CAMTA1: variants seen among roughly 807,000 people sequenced by gnomAD.
The protein encoded by CAMTA1 is calmodulin binding transcription activator 1.
In CAMTA1, 27 loss-of-function variants were observed where a neutral mutation model predicts 170.9. The observed-to-expected ratio is 0.16, with a 90% CI of 0.12 to 0.22. The LOEUF (loss-of-function observed/expected upper bound fraction) is 0.22, where lower values mean the gene tolerates loss of function less well. CAMTA1 is among the 10% of genes least tolerant of loss of function. CAMTA1 has a pLI of 1.00. For synonymous variants in CAMTA1, 833 were observed against 891.5 expected, an observed-to-expected ratio of 0.93 and a Z score of 1.17; for missense variants, 1,619 against 2,217.2, an observed-to-expected ratio of 0.73 and a Z score of 5.42.
At chr1:7,301,892 G>C (rs1267985330) in intron 5 of CAMTA1, among the ~76,000 whole-genome samples, 1 of 152,136 alleles carries the variant, frequency 6.6e-6, no homozygotes, top group African/African-American at 2.4e-5. Context: ...ACGGGCTGCA[G>C]GCTTTCTCGG....
At chr1:7,037,760 C>G (rs1487338940) in intron 3 of CAMTA1, among the ~76,000 whole-genome samples, 4 of 151,766 alleles carry the variant, frequency 2.6e-5, no homozygotes, top group Non-Finnish European at 4.4e-5. Context: ...ATGGCATGAA[C>G]CCGGGAGGCG....
At chr1:6,840,634 G>T (rs969595774) in intron 3 of CAMTA1, among the ~76,000 whole-genome samples, 4 of 152,146 alleles carry the variant, frequency 2.6e-5, no homozygotes, top group African/African-American at 9.7e-5. Context: ...CATAAGTCTG[G>T]GGAGAGGTCC....
chr1:7,717,579 C>G (rs1459637056), intron 11 of CAMTA1, among the ~76,000 whole-genome samples: 1 of 152,020 alleles, frequency 6.6e-6, no homozygotes, highest in East Asian at 1.9e-4. Context: ...AACCCTACCT[C>G]TACCAAAAAT....
intron 11 of CAMTA1, among the ~76,000 whole-genome samples, chr1:7,679,697 T>G (rs1325262151): frequency 6.6e-6 from 1 of 152,140 alleles, no homozygotes; most frequent in Non-Finnish European, 1.5e-5. Context: ...CATCAAGGCC[T>G]GGGCGTCCAG....
At chr1:7,108,314 ATAT>A (rs754566470) in intron 4 of CAMTA1, among the ~76,000 whole-genome samples, 5 of 152,186 alleles carry the variant, frequency 3.3e-5, no homozygotes, top group Non-Finnish European at 5.9e-5. Flanking sequence ...ATGATAGTAC[ATAT>A]TGTTGTGAGG....
chr1:6,852,353 A>G (rs764426196), intron 3 of CAMTA1, among the ~76,000 whole-genome samples: 29 of 151,986 alleles, frequency 1.9e-4, no homozygotes, highest in Non-Finnish European at 3.4e-4. Context: ...TTCTCTGTGG[A>G]CTCCGGGTAT....
At chr1:7,128,904 G>A (rs1406804287) in intron 4 of CAMTA1, among the ~76,000 whole-genome samples, 1 of 137,522 alleles carries the variant, frequency 7.3e-6, no homozygotes, top group African/African-American at 2.8e-5. Context: ...GCAGTGGTTC[G>A]ATCTCAGCTC....
intron 5 of CAMTA1, among the ~76,000 whole-genome samples, chr1:7,423,555 A>G (rs2091708735): frequency 6.6e-6 from 1 of 151,544 alleles, no homozygotes; most frequent in African/African-American, 2.4e-5. Context: ...GGGTGTCATT[A>G]CCTCATTCTC....
chr1:6,814,327 T>G lies in CAMTA1; in HGVS notation c.46-5854T>G, dbSNP rs972757283. On this transcript the variant is annotated intron_variant, in intron 1 of 22. Transcript: ENST00000303635. ...CATCTCCTTCTCTTCCTCCTCTTCC[T>G]GGGCATTTTCCAGTCCCCCTTGGAA... Among the ~76,000 whole-genome samples, 13 of 152,332 alleles carry G rather than the reference T, an allele frequency of 8.5e-5. No homozygotes were observed. In the East Asian group the frequency reaches 2.5e-3, roughly 29 times the overall value.
chr1:7,012,472 C>G (rs1699940178), intron 3 of CAMTA1, among the ~76,000 whole-genome samples: 1 of 152,136 alleles, frequency 6.6e-6, no homozygotes, highest in South Asian at 2.1e-4. Flanking sequence ...TACAAACATG[C>G]CACGATTTCT....
At chr1:7,190,436 TATAC>T (rs1654300929) in intron 4 of CAMTA1, among the ~76,000 whole-genome samples, 1 of 152,198 alleles carries the variant, frequency 6.6e-6, no homozygotes, top group African/African-American at 2.4e-5. Context: ...AAATGATTCT[TATAC>T]GTGTGTAGAA....
intron 4 of CAMTA1, among the ~76,000 whole-genome samples, chr1:7,198,601 C>G (rs566362402): frequency 6.6e-6 from 1 of 152,114 alleles, no homozygotes. Context: ...ATCACTCATA[C>G]CCCCTTGGCC....
intron 7 of CAMTA1, among the ~76,000 whole-genome samples, chr1:7,652,895 TG>T (rs2095856993): frequency 6.6e-6 from 1 of 152,182 alleles, no homozygotes; most frequent in South Asian, 2.1e-4. Context: ...CCTACGCACC[TG>T]CTGTGTGACC....
At chr1:7,737,675 T>G (rs1230723495) in intron 15 of CAMTA1, 105 bp downstream of exon 15, 1 of 1,128,936 alleles carries the variant, frequency 8.9e-7, no homozygotes, top group Non-Finnish European at 1.2e-6. Flanking sequence ...ACATTTCAGT[T>G]TTTTTGTTAA....
chr1:7,146,069 C>A lies in CAMTA1; in HGVS notation c.302+54698C>A, dbSNP rs1180630729. Among the ~76,000 whole-genome samples the A allele has an allele frequency of 6.6e-6, 1 of 152,170 alleles. No homozygotes were observed. The highest frequency in any genetic ancestry group is 6.5e-5 in the Admixed American group (1 of 15,276). Reference sequence around the variant, plus strand: ...CTTACTACGTGCGTGGCACTATGCCCAGTGCTTTAATTGGATCTTTTTTTT... The same window carrying A: ...CTTACTACGTGCGTGGCACTATGCCAAGTGCTTTAATTGGATCTTTTTTTT... On this transcript the variant is annotated intron_variant, in intron 4 of 22. Coordinates refer to ENST00000303635, the MANE Select transcript of CAMTA1 (RefSeq NM_015215.4). This position sits in a 1 kb window ranked among gnomAD's most constrained non-coding sequence, Gnocchi z 4.3.
At chr1:7,603,859 C>T (rs938416827) in intron 6 of CAMTA1, among the ~76,000 whole-genome samples, 1 of 152,168 alleles carries the variant, frequency 6.6e-6, no homozygotes, top group African/African-American at 2.4e-5. Context: ...CCTTCAGGAG[C>T]TCTTTTAGGG....
At chr1:6,812,049 TCTC>T (rs1645229139) in intron 1 of CAMTA1, among the ~76,000 whole-genome samples, 1 of 152,218 alleles carries the variant, frequency 6.6e-6, no homozygotes, top group Non-Finnish European at 1.5e-5. Flanking sequence ...ACCGCTCTCT[TCTC>T]CTTCAGGATG....
intron 4 of CAMTA1, among the ~76,000 whole-genome samples, chr1:7,155,489 A>G (rs1310135282): frequency 6.7e-6 from 1 of 150,074 alleles, no homozygotes; most frequent in African/African-American, 2.5e-5. Flanking sequence ...CTGACCTGTC[A>G]TTAACGAGCC....
In CAMTA1 at chr1:7,681,650, C is replaced by T. The variant is rs1286041038; in HGVS notation, c.2914+3917C>T. On this transcript the variant is annotated intron_variant, in intron 11 of 22. Coordinates refer to ENST00000303635, the MANE Select transcript of CAMTA1 (RefSeq NM_015215.4). This position sits in a 1 kb window ranked among gnomAD's most constrained non-coding sequence, Gnocchi z 4.6. ...CAATGGGGTTTACCCTGGAGACCCA[C>T]TGGGGAGGATCTCTGGGAAATGTCA... 6.6e-6 allele frequency among the ~76,000 whole-genome samples: 1 copy of T among 152,244 alleles called. No homozygotes were observed. Among genetic ancestry groups the T allele is most frequent in the African/African-American group, 2.4e-5 (1 of 41,456 alleles).
Sources: gnomAD v4.1 joint callset for allele counts (sites outside exome capture counted in the v4.1 genomes callset) on GRCh38, gnomAD v4.1.1 for gene constraint, Gnocchi (gnomAD v3.1) non-coding constraint, MANE v1.5 for transcripts, NCBI Gene and HGNC (gene_info 2026-07-23, HGNC 2026-07-21) for gene names.